The following ZNF516 variants were observed in gnomAD, a reference collection of about 807,000 sequenced individuals.
The protein encoded by ZNF516 is zinc finger protein 516.
ZNF516 carries 19 observed loss-of-function variants against 79.7 expected under a neutral mutation model. That is an observed-to-expected ratio of 0.24 (90% confidence interval 0.17 to 0.35). The LOEUF (loss-of-function observed/expected upper bound fraction) is 0.35, where lower values mean the gene tolerates loss of function less well. Ranked by LOEUF, ZNF516 falls within the 10% of genes least tolerant of loss-of-function variation. ZNF516 has a pLI of 1.00. For missense variants in ZNF516, 1,678 were observed against 1,679.5 expected (o/e 1.00, Z 0.02); for synonymous variants, 877 against 739.5 (o/e 1.19, Z -3.02).
intron 1 of ZNF516, among the ~76,000 whole-genome samples, chr18:76,481,686 G>A (rs759007792): frequency 2.6e-5 from 4 of 152,126 alleles, no homozygotes; most frequent in South Asian, 2.1e-4. Context: ...TAAAGAACTC[G>A]GAATAATGCT....
At chr18:76,440,094 T>C (rs2075796130) in intron 3 of ZNF516, among the ~76,000 whole-genome samples, 1 of 152,258 alleles carries the variant, frequency 6.6e-6, no homozygotes, top group African/African-American at 2.4e-5. Flanking sequence ...ATGTATACAC[T>C]CATAACCTGT....
At chr18:76,388,226 C>T (rs1178708216) in intron 3 of ZNF516, 1 of 152,212 alleles carries the variant, frequency 6.6e-6, no homozygotes, top group African/African-American at 2.4e-5. Context: ...TCCTGGACAC[C>T]AGACAAGGAC....
chr18:76,465,029 G>T (rs949252949), intron 1 of ZNF516, among the ~76,000 whole-genome samples: 5 of 152,204 alleles, frequency 3.3e-5, no homozygotes, highest in Admixed American at 3.3e-4. Flanking sequence ...GAGGGGAGCC[G>T]CCAGAGGAGA....
chr18:76,449,188 C>T (rs187356755), intron 2 of ZNF516, among the ~76,000 whole-genome samples: 10 of 152,330 alleles, frequency 6.6e-5, no homozygotes, highest in East Asian at 5.8e-4. Context: ...CTCCACCAGT[C>T]TCCCAGCCCT....
At chr18:76,462,728 AC>A (rs1290296552) in intron 2 of ZNF516, among the ~76,000 whole-genome samples, 1 of 151,920 alleles carries the variant, frequency 6.6e-6, no homozygotes, top group Non-Finnish European at 1.5e-5. Context: ...TGGACCCCCC[AC>A]CCCAGGAGCA....
In ZNF516 at chr18:76,459,089, T is replaced by C. The variant is rs567407711; in HGVS notation, c.-158+3939A>G. 2.6e-5 allele frequency among the ~76,000 whole-genome samples: 4 copies of C among 152,342 alleles called. No homozygotes were observed. Among genetic ancestry groups the C allele is most frequent in the African/African-American group, 7.2e-5 (3 of 41,588 alleles). On this transcript the variant is annotated intron_variant, in intron 2 of 6. Coordinates refer to ENST00000443185, the MANE Select transcript of ZNF516 (RefSeq NM_014643.4). This position sits in a 1 kb window ranked among gnomAD's most constrained non-coding sequence, Gnocchi z 5.0. ...TACCCTACCTGGAGGCAAACACGCATGTCCACTTCCAACAATCTACCAGCA... is the reference window on the plus strand; with the variant it reads ...TACCCTACCTGGAGGCAAACACGCACGTCCACTTCCAACAATCTACCAGCA...
At chr18:76,474,686 A>G (rs613659) in intron 1 of ZNF516, among the ~76,000 whole-genome samples, 22,136 of 152,176 alleles carry the variant, frequency 0.15, 1,814 homozygotes, top group South Asian at 0.31. Context: ...AAGAAAAACT[A>G]CAGTAAAACT....
chr18:76,465,142 C>T (rs1194055355), intron 1 of ZNF516, among the ~76,000 whole-genome samples: 1 of 152,244 alleles, frequency 6.6e-6, no homozygotes, highest in African/African-American at 2.4e-5. Context: ...TGCTGGACAT[C>T]GTGTCTTCAA....
intron 2 of ZNF516, among the ~76,000 whole-genome samples, chr18:76,450,774 CA>C (rs2145608670): frequency 6.6e-6 from 1 of 152,260 alleles, no homozygotes; most frequent in African/African-American, 2.4e-5. Flanking sequence ...ATGGCGTTAT[CA>C]GGGAAAAACT....
rs888777683 is a variant in ZNF516, at chr18:76,361,581, G to C, written c.*917C>G. 1 of 152,234 alleles carries C rather than the reference G, an allele frequency of 6.6e-6. No individual in the cohort carries two copies. The highest frequency in any genetic ancestry group is 2.4e-5 in the African/African-American group (1 of 41,448). The allele number at this position is 152,234 out of a possible 1,614,324, so 9.4% of individuals were successfully genotyped here. A position where few individuals can be genotyped will look rare whatever the true frequency, so the allele number is the denominator to read the frequency against. On this transcript the variant is annotated 3_prime_UTR_variant, in exon 7 of 7. Transcript: ENST00000443185. ...TCTAGGGCACCTGAACCTGCTCAGG[G>C]ATTCTTCTGCCATTACTAAAACAGG...
chr18:76,417,960 T>C (rs746160882), intron 3 of ZNF516, among the ~76,000 whole-genome samples: 3 of 152,252 alleles, frequency 2.0e-5, no homozygotes, highest in Non-Finnish European at 4.4e-5. Flanking sequence ...AGTGACGTTT[T>C]AAAATTGAAT....
chr18:76,436,324 G>A (rs1177351262), intron 3 of ZNF516, among the ~76,000 whole-genome samples: 2 of 152,144 alleles, frequency 1.3e-5, no homozygotes, highest in Non-Finnish European at 2.9e-5. Flanking sequence ...CAGCTGAACT[G>A]GATGCTATTT....
rs1453846399 is a variant in ZNF516, at chr18:76,442,292, G to T, written c.763C>A (p.Gln255Lys). Residue 255 changes from glutamine to lysine, a missense_variant, in exon 3 of 7, where the codon CAG (glutamine) becomes AAG (lysine). By Grantham distance (53) the Gln-to-Lys change is moderately conservative (BLOSUM62 1). This residue lies in a region of ZNF516 where 279 missense variants were observed against 254.1 expected (regional missense o/e 1.10). Transcript: ENST00000443185. ...PGEFPCEVCG[Q>K]AFSQTWFLKA... The stretch of plus-strand genomic sequence containing the variant: ...AGGAACCAGGTCTGGCTGAAGGCCT[G>T]GCCACACACCTCGCACGGGAACTCC... 1.2e-6 allele frequency: 2 copies of T among 1,612,884 alleles called. No individual in the cohort carries two copies. The highest frequency in any genetic ancestry group is 3.3e-5 in the Admixed American group (2 of 59,920).
chr18:76,376,362 A>G (rs1204399000), intron 4 of ZNF516, among the ~76,000 whole-genome samples: 1 of 152,192 alleles, frequency 6.6e-6, no homozygotes, highest in Non-Finnish European at 1.5e-5. Context: ...AAAAGGTGAG[A>G]GCACTTCCCT....
intron 1 of ZNF516, among the ~76,000 whole-genome samples, chr18:76,477,061 G>GT: frequency 6.6e-6 from 1 of 152,140 alleles, no homozygotes; most frequent in Non-Finnish European, 1.5e-5. Context: ...CTACATTTCC[G>GT]TATGTCCAAA....
chr18:76,479,210 G>T (rs1290973535), intron 1 of ZNF516, among the ~76,000 whole-genome samples: 2 of 152,130 alleles, frequency 1.3e-5, no homozygotes, highest in South Asian at 2.1e-4. Context: ...GAATAAAAGG[G>T]GCCTTGACTT....
chr18:76,410,518 A>G (rs1212543530), intron 3 of ZNF516, among the ~76,000 whole-genome samples: 2 of 152,206 alleles, frequency 1.3e-5, no homozygotes, highest in African/African-American at 4.8e-5. Flanking sequence ...GCAGTTCCCT[A>G]CACAGCCTGC....
chr18:76,388,757 AG>A (rs558683931), intron 3 of ZNF516: 9 of 152,370 alleles, frequency 5.9e-5, no homozygotes, highest in African/African-American at 1.7e-4. Context: ...GCCACGGAAA[AG>A]ACCCCAAGCT....
rs763766180 is a variant in ZNF516, at chr18:76,468,520, G to A, written c.-271-5379C>T. ...CAACCTCGGCCTTCCGGGCTCAAGCGATCCTCCCACCTTGGCCTCCCTAGT... is the reference window on the plus strand; with the variant it reads ...CAACCTCGGCCTTCCGGGCTCAAGCAATCCTCCCACCTTGGCCTCCCTAGT... On this transcript the variant is annotated intron_variant, in intron 1 of 6. Coordinates refer to ENST00000443185, the MANE Select transcript of ZNF516 (RefSeq NM_014643.4). Among the ~76,000 whole-genome samples the A allele has an allele frequency of 5.3e-5, 8 of 150,754 alleles. No individual in the cohort carries two copies. In the East Asian group the frequency reaches 7.9e-4, roughly 15 times the overall value.
Sources: allele counts gnomAD v4.1 joint callset (sites outside exome capture counted in the v4.1 genomes callset), GRCh38; gene constraint gnomAD v4.1.1; regional missense constraint gnomAD v4.1.1; non-coding constraint Gnocchi (gnomAD v3.1); transcripts MANE v1.5; gene names NCBI Gene and HGNC (gene_info 2026-07-23, HGNC 2026-07-21).